The following HELZ2 variants were observed in gnomAD, a reference collection of about 807,000 sequenced individuals.
The protein encoded by HELZ2 is helicase with zinc finger 2.
HELZ2 carries 143 observed loss-of-function variants against 208.8 expected under a neutral mutation model. The ratio of observed to expected loss-of-function variants is 0.68; its 90% CI spans 0.60 to 0.79. The LOEUF (loss-of-function observed/expected upper bound fraction) is 0.79, where lower values mean the gene tolerates loss of function less well. Ranked by LOEUF, HELZ2 falls within the 30% of genes least tolerant of loss-of-function variation. The pLI is 0.00. For missense variants in HELZ2, 3,690 were observed against 3,794.5 expected (o/e 0.97, Z 0.72); for synonymous variants, 1,705 against 1,693.7 (o/e 1.01, Z -0.16).
At chr20:63,568,535 T>C in exon 5 of HELZ2, 2 of 1,583,098 alleles carry the variant, frequency 1.3e-6, no homozygotes. Flanking sequence ...CAGCTCCTGC[T>C]TGCGGTTGCC....
At chr20:63,568,550 C>T (rs758679264) in exon 5 of HELZ2, 83 of 1,584,476 alleles carry the variant, frequency 5.2e-5, no homozygotes, top group Middle Eastern at 3.3e-4. Flanking sequence ...GTTGCCACGC[C>T]GCAAGGGTGG....
exon 8 of HELZ2, chr20:63,563,416 C>A (rs1306055009): frequency 2.0e-6 from 3 of 1,534,046 alleles, no homozygotes; most frequent in African/African-American, 1.4e-5. Flanking sequence ...TGGATCCCTG[C>A]GCTGAGTAGA....
At chr20:63,562,257 AGG>A in intron 9 of HELZ2, 29 bp downstream of exon 10, 3 of 1,474,288 alleles carry the variant, frequency 2.0e-6, no homozygotes, top group Non-Finnish European at 2.8e-6. Flanking sequence ...TGGGGGCCAG[AGG>A]GGAAGCTGGA....
At chr20:63,573,487 C>G (rs1456049056), upstream of HELZ2, among the ~76,000 whole-genome samples, 1 of 152,128 alleles carries the variant, frequency 6.6e-6, no homozygotes, top group African/African-American at 2.4e-5. The surrounding 1 kb of genome is among the most constrained non-coding windows in gnomAD (Gnocchi z 4.9). Context: ...GGTCTCAGGC[C>G]CCACCTAGAA....
At chr20:63,565,111 G>A (rs760818578) in exon 8 of HELZ2, 2 of 1,568,370 alleles carry the variant, frequency 1.3e-6, no homozygotes, top group East Asian at 2.4e-5. Context: ...TGTAGATGGG[G>A]ACCTGCGATG....
Position 63,560,941 on chromosome 20 carries a change from G to A in HELZ2, c.7147-12C>T. 2 of 1,611,840 alleles carry A rather than the reference G, an allele frequency of 1.2e-6. No homozygotes were observed. Among genetic ancestry groups the A allele is most frequent in the Non-Finnish European group, 1.7e-6 (2 of 1,179,326 alleles). On this transcript the variant is annotated splice_polypyrimidine_tract_variant and intron_variant, in intron 14 of 18. Transcript: ENST00000467148. Reference sequence around the variant, plus strand: ...CCGAGAAGAACCACCTGGAGGAATAGGCAGGCCTGGCCCTGACACCCCTAG... The same window carrying A: ...CCGAGAAGAACCACCTGGAGGAATAAGCAGGCCTGGCCCTGACACCCCTAG...
exon 4 of HELZ2, chr20:63,569,579 G>A (rs771092012): frequency 1.9e-6 from 3 of 1,585,170 alleles, no homozygotes; most frequent in African/African-American, 1.3e-5. Context: ...CCCGTGCGTA[G>A]AGCCGGCCTG....
At chr20:63,566,780 C>G in intron 6 of HELZ2, 64 bp downstream of exon 7, 1 of 1,457,484 alleles carries the variant, frequency 6.9e-7, no homozygotes, top group Non-Finnish European at 9.2e-7. Context: ...GTCCATCAGC[C>G]GGAGAGCTCC....
intron 5 of HELZ2, 85 bp downstream of exon 6, chr20:63,568,273 A>C: frequency 2.0e-6 from 2 of 1,008,342 alleles, no homozygotes; most frequent in Non-Finnish European, 3.1e-6. Context: ...AGAGGACTGG[A>C]GCACATCCAG....
chr20:63,566,807 G>GT (rs916870656), intron 6 of HELZ2, 37 bp downstream of exon 7: 13 of 1,539,964 alleles, frequency 8.4e-6, no homozygotes, highest in Admixed American at 7.1e-5. Context: ...CCCAGCAGGG[G>GT]TGCGGTCGGG....
chr20:63,573,550 A>G (rs1011634536), upstream of HELZ2, among the ~76,000 whole-genome samples: 2 of 152,076 alleles, frequency 1.3e-5, no homozygotes, highest in Admixed American at 6.5e-5. The surrounding 1 kb of genome is among the most constrained non-coding windows in gnomAD (Gnocchi z 4.9). Flanking sequence ...CCCTTGGCAC[A>G]GTGCCGCCCC....
chr20:63,563,680 G>A (rs764479060), exon 8 of HELZ2: 27 of 1,575,658 alleles, frequency 1.7e-5, no homozygotes, highest in South Asian at 1.0e-4. Context: ...GGGCAAGTGC[G>A]TGCTGGAGGC....
chr20:63,568,292 C>T lies in HELZ2; in HGVS notation c.1730+66G>A, dbSNP rs1437110438. On this transcript the variant is annotated intron_variant, in intron 5 of 18. Transcript: ENST00000467148. ...GACTGGAGCACATCCAGGGGGTGAC[C>T]GCCTGCCCGGTGTAGACTTGGGCCG... is the stretch of plus-strand genomic sequence containing the variant. 3.8e-5 allele frequency: 48 copies of T among 1,247,216 alleles called. No individual in the cohort carries two copies. The South Asian group carries it at 4.4e-4, about 11-fold the overall frequency. 77.3% of individuals were successfully genotyped at this position (1,247,216 alleles called of 1,614,324 possible). A position where few individuals can be genotyped will look rare whatever the true frequency, so the allele number is the denominator to read the frequency against.
rs1360218270 is a variant in HELZ2 at position 63,565,684 on chromosome 20, T to C, written c.3138A>G (p.Ala1046=). ...CAGCCTCCGTGGACTCCACGCCCGC[T>C]GCAGCAGCCGCTCCTGCCGCACAGG... Residue 1046 remains alanine, a synonymous_variant, in exon 8 of 19, where the codon GCA becomes GCG. Transcript: ENST00000467148. 3 of 1,608,642 alleles carry C rather than the reference T, an allele frequency of 1.9e-6. No individual in the cohort carries two copies. The African/African-American group carries it at 4.0e-5, about 21-fold the overall frequency.
exon 8 of HELZ2, chr20:63,566,051 C>T (rs750291871): frequency 6.3e-7 from 1 of 1,589,314 alleles, no homozygotes; most frequent in Non-Finnish European, 8.5e-7. Flanking sequence ...GAGCTTGCCG[C>T]AGGCCCCGAA....
At chr20:63,572,031 C>T (rs2083020379) in intron 1 of HELZ2, 77 bp downstream of exon 2, 1 of 1,481,810 alleles carries the variant, frequency 6.7e-7, no homozygotes, top group Non-Finnish European at 9.0e-7. Context: ...TGCCCCACTC[C>T]AAGCTCCTGG....
At chr20:63,559,102 T>C, downstream of HELZ2, 3 of 885,546 alleles carry the variant, frequency 3.4e-6, no homozygotes, top group South Asian at 1.9e-5. Context: ...CTCCTCCAAG[T>C]CCACCCACTT....
exon 2 of HELZ2, chr20:63,570,777 G>A: frequency 6.2e-7 from 1 of 1,610,914 alleles, no homozygotes; most frequent in Non-Finnish European, 8.5e-7. Context: ...TGCCCCCGCA[G>A]CTCCACAGCC....
exon 8 of HELZ2, chr20:63,563,597 C>T: frequency 2.0e-6 from 3 of 1,533,328 alleles, no homozygotes; most frequent in Non-Finnish European, 1.8e-6. Flanking sequence ...CACCACGAAG[C>T]CCAGCTTGTC....
Sources: allele counts gnomAD v4.1 joint callset (sites outside exome capture counted in the v4.1 genomes callset), GRCh38; gene constraint gnomAD v4.1.1; non-coding constraint Gnocchi (gnomAD v3.1); transcripts MANE v1.5; gene names NCBI Gene and HGNC (gene_info 2026-07-23, HGNC 2026-07-21).